DCUN1D4: variants seen among roughly 807,000 people sequenced by gnomAD.
DCUN1D4 encodes defective in cullin neddylation 1 domain containing 4, also known as DCN1-like protein 4.
Under a neutral mutation model 47.9 loss-of-function variants are expected in DCUN1D4, and 22 were observed. The ratio of observed to expected loss-of-function variants is 0.46; its 90% CI spans 0.33 to 0.66. The LOEUF (loss-of-function observed/expected upper bound fraction) is 0.66, where lower values mean the gene tolerates loss of function less well. Among genes scored for constraint, DCUN1D4 ranks in the 30% least tolerant of loss-of-function variants. The pLI is 0.02. For synonymous variants in DCUN1D4, 121 were observed against 112.2 expected (o/e 1.08, Z -0.50); for missense variants, 301 against 340.8 (o/e 0.88, Z 0.92).
At chr4:51,882,170 A>G (rs1728750450) in intron 5 of DCUN1D4, among the ~76,000 whole-genome samples, 1 of 152,248 alleles carries the variant, frequency 6.6e-6, no homozygotes, top group Non-Finnish European at 1.5e-5. Flanking sequence ...TAAGTAGTAC[A>G]GCAACACTAT....
chr4:51,855,360 G>C (rs1025060800), intron 1 of DCUN1D4, among the ~76,000 whole-genome samples: 3 of 152,168 alleles, frequency 2.0e-5, no homozygotes, highest in African/African-American at 7.2e-5. Flanking sequence ...ACTATAATGA[G>C]TGAATTCCAT....
Position 51,865,151 on chromosome 4 carries a change from G to T in DCUN1D4, c.136+1442G>T, listed in dbSNP as rs12108340. The T allele has an allele frequency of 6.2e-3, 1,317 of 212,702 alleles. 14 individuals are homozygous for T. The highest frequency in any genetic ancestry group is 0.024 in the African/African-American group (1,034 of 43,228). The allele number at this position is 212,702 out of a possible 1,614,324, so 13.2% of individuals were successfully genotyped here. A position where few individuals can be genotyped will look rare whatever the true frequency, so the allele number is the denominator to read the frequency against. The stretch of plus-strand genomic sequence containing the variant: ...ATAAAGATTTGTTCACAAATGAACT[G>T]CAGTTCAATCACCTTTTTTGACTTC... On this transcript the variant is annotated intron_variant, in intron 3 of 10. Coordinates refer to ENST00000334635, the MANE Select transcript of DCUN1D4 (RefSeq NM_001040402.3).
At chr4:51,870,244 A>T (rs1726665490) in intron 3 of DCUN1D4, among the ~76,000 whole-genome samples, 2 of 152,168 alleles carry the variant, frequency 1.3e-5, no homozygotes, top group Non-Finnish European at 2.9e-5. Context: ...TACAACTCAT[A>T]CAAGTTGTAA....
chr4:51,864,660 C>T (rs1424056604), intron 3 of DCUN1D4, among the ~76,000 whole-genome samples: 1 of 152,156 alleles, frequency 6.6e-6, no homozygotes, highest in Non-Finnish European at 1.5e-5. Context: ...GGGCAGGCAG[C>T]TCCCTCAGGC....
intron 1 of DCUN1D4, among the ~76,000 whole-genome samples, chr4:51,849,305 G>T (rs1723014869): frequency 6.6e-6 from 1 of 152,208 alleles, no homozygotes; most frequent in African/African-American, 2.4e-5. Context: ...GCAAGGTCTA[G>T]TTGTTGCTGC....
chr4:51,913,292 A>C lies in DCUN1D4; in HGVS notation c.723A>C (p.Gln241His), dbSNP rs201277301. 6.3e-7 allele frequency: 1 copy of C among 1,599,606 alleles called. No homozygotes were observed. Among genetic ancestry groups the C allele is most frequent in the African/African-American group, 1.3e-5 (1 of 74,626 alleles). ...CATATTACTTTTCCCTCCATCAGCA[A>C]TCAAAATACAAAGTTATTAATAAAG... ...LFPVFHQFLE[Q>H]SKYKVINKDQ... The change falls in exon 10 of 11, where the codon CAA (glutamine) becomes CAC (histidine). Residue 241 changes from glutamine to histidine, a missense_variant and splice_region_variant. By Grantham distance (24) the Gln-to-His change is conservative (BLOSUM62 0). Transcript: ENST00000334635.
At chr4:51,855,221 T>C (rs941646077) in intron 1 of DCUN1D4, among the ~76,000 whole-genome samples, 2 of 152,118 alleles carry the variant, frequency 1.3e-5, no homozygotes, top group African/African-American at 4.8e-5. Context: ...GAAAGTAGAT[T>C]AGTGGTTGCC....
At chr4:51,879,847 A>G (rs1728304165) in intron 5 of DCUN1D4, among the ~76,000 whole-genome samples, 1 of 152,218 alleles carries the variant, frequency 6.6e-6, no homozygotes, top group Non-Finnish European at 1.5e-5. Flanking sequence ...ATAAGCAAAT[A>G]CAGATTTTTT....
chr4:51,860,504 A>G (rs955122086), intron 1 of DCUN1D4: 10 of 446,250 alleles, frequency 2.2e-5, no homozygotes, highest in African/African-American at 2.0e-4. Flanking sequence ...TGGGTAATTT[A>G]TAAAAGAAAA....
intron 7 of DCUN1D4, among the ~76,000 whole-genome samples, chr4:51,898,310 T>C (rs1261648837): frequency 6.6e-6 from 1 of 152,160 alleles, no homozygotes; most frequent in Non-Finnish European, 1.5e-5. Context: ...TATGTGTGGA[T>C]GTCACTCAGT....
chr4:51,913,500 A>G (rs370308968), intron 10 of DCUN1D4, 29 bp from the exon 11 acceptor site: 4 of 1,596,840 alleles, frequency 2.5e-6, no homozygotes, highest in African/African-American at 1.3e-5. Context: ...TATTATTATT[A>G]TTACTACTGT....
rs780350667 is a variant in DCUN1D4 at position 51,843,218 on chromosome 4, C to G, written c.-25C>G. On this transcript the variant is annotated 5_prime_UTR_variant, in exon 1 of 11. Transcript: ENST00000334635. ...GAGGCGAGCGCGGGAGCCTGGGCGG[C>G]GAGCCGGGTGTGAGCTGCCTGAAAA... The G allele has an allele frequency of 1.9e-6, 3 of 1,538,850 alleles. No individual in the cohort carries two copies. The highest frequency in any genetic ancestry group is 1.4e-5 in the African/African-American group (1 of 72,072).
rs1445582372 is a variant in DCUN1D4, at chr4:51,873,461, C to T, written c.137-810C>T. Among the ~76,000 whole-genome samples, 7 of 152,312 alleles carry T rather than the reference C, an allele frequency of 4.6e-5. No individual in the cohort carries two copies. In the South Asian group the frequency reaches 8.3e-4, roughly 18 times the overall value. Reference sequence around the variant, plus strand: ...GGCCTGAAGCAAGACTGCCCAGATTCGAATCCTGGCTTTGCCGTTTGCCTA... The same window carrying T: ...GGCCTGAAGCAAGACTGCCCAGATTTGAATCCTGGCTTTGCCGTTTGCCTA... On this transcript the variant is annotated intron_variant, in intron 3 of 10. Transcript: ENST00000334635.
chr4:51,849,908 C>G (rs1016158671), intron 1 of DCUN1D4, among the ~76,000 whole-genome samples: 1 of 151,992 alleles, frequency 6.6e-6, no homozygotes, highest in Middle Eastern at 3.4e-3. Flanking sequence ...AAAATTACAT[C>G]TGATGTACCA....
chr4:51,862,975 C>T (rs949971794), intron 1 of DCUN1D4, among the ~76,000 whole-genome samples: 6 of 152,228 alleles, frequency 3.9e-5, no homozygotes, highest in African/African-American at 7.2e-5. Flanking sequence ...TGCACCACTG[C>T]ACTTCAGCCT....
chr4:51,843,751 G>T (rs1282854673), intron 1 of DCUN1D4: 3 of 1,175,074 alleles, frequency 2.6e-6, no homozygotes, highest in Non-Finnish European at 3.1e-6. Flanking sequence ...GGGTGAGTGC[G>T]AGGGGGGCGC....
intron 8 of DCUN1D4, among the ~76,000 whole-genome samples, chr4:51,904,487 G>C (rs935467795): frequency 6.6e-6 from 1 of 152,100 alleles, no homozygotes; most frequent in Non-Finnish European, 1.5e-5. Flanking sequence ...ATAAATTATA[G>C]TTATCTTTGC....
intron 4 of DCUN1D4, among the ~76,000 whole-genome samples, chr4:51,876,840 A>G (rs994182521): frequency 6.6e-6 from 1 of 152,240 alleles, no homozygotes; most frequent in African/African-American, 2.4e-5. Flanking sequence ...TTATTTTCAT[A>G]TTCTTACATA....
upstream of DCUN1D4, among the ~76,000 whole-genome samples, chr4:51,839,589 C>T (rs775818089): frequency 3.9e-5 from 6 of 152,182 alleles, no homozygotes; most frequent in East Asian, 5.8e-4. Flanking sequence ...ATTCTCCTTT[C>T]GGAGGGGGTT....
Sources: gnomAD v4.1 joint callset for allele counts (sites outside exome capture counted in the v4.1 genomes callset) on GRCh38, gnomAD v4.1.1 for gene constraint, MANE v1.5 for transcripts, NCBI Gene and HGNC (gene_info 2026-07-23, HGNC 2026-07-21) for gene names.